The following ANO4 variants were observed in gnomAD, a reference collection of about 807,000 sequenced individuals.
ANO4 encodes the protein anoctamin 4.
ANO4 carries 69 observed loss-of-function variants against 141.9 expected under a neutral mutation model. The ratio of observed to expected loss-of-function variants is 0.49; its 90% CI spans 0.40 to 0.59. ANO4 has a LOEUF of 0.59. Ranked by LOEUF, ANO4 falls within the 20% of genes least tolerant of loss-of-function variation. The pLI, the probability that ANO4 is intolerant of heterozygous loss-of-function variation, is 0.00. For synonymous variants in ANO4, 350 were observed against 394.3 expected (o/e 0.89, Z 1.33); for missense variants, 894 against 1,162.2 (o/e 0.77, Z 3.36).
intron 1 of ANO4, 80 bp from the exon 2 acceptor site, chr12:100,901,566 G>A (rs1461272328): frequency 3.4e-6 from 2 of 587,516 alleles, no homozygotes; most frequent in Admixed American, 3.4e-5. Context: ...CTGTTCTCTG[G>A]ACTTCATATG....
At chr12:101,107,762 G>A (rs936249812) in intron 22 of ANO4, among the ~76,000 whole-genome samples, 3 of 152,082 alleles carry the variant, frequency 2.0e-5, no homozygotes, top group Admixed American at 1.3e-4. Context: ...TGTGTAGGGA[G>A]ATGAGTGATG....
At chr12:100,897,062 G>C (rs2040384343) in intron 1 of ANO4, among the ~76,000 whole-genome samples, 1 of 152,104 alleles carries the variant, frequency 6.6e-6, no homozygotes, top group African/African-American at 2.4e-5. Flanking sequence ...CAGAATTCTG[G>C]CTACAGCATC....
intron 22 of ANO4, among the ~76,000 whole-genome samples, chr12:101,104,660 T>A (rs1299285530): frequency 1.6e-5 from 1 of 62,384 alleles, no homozygotes; most frequent in Admixed American, 1.7e-4. Context: ...TATATATATA[T>A]ATATATATAT....
chr12:100,775,205 T>C (rs546442687), intron 3 of ANO4, among the ~76,000 whole-genome samples: 1 of 152,206 alleles, frequency 6.6e-6, no homozygotes, highest in Admixed American at 6.5e-5. Context: ...CACACTAAAA[T>C]AGCAGTCTTT....
intron 8 of ANO4, among the ~76,000 whole-genome samples, chr12:101,011,694 A>G (rs2046101341): frequency 6.6e-6 from 1 of 152,180 alleles, no homozygotes. Flanking sequence ...ATTAATCTGA[A>G]ACCCAGCTGG....
chr12:100,985,171 G>A (rs1165709027), intron 7 of ANO4, among the ~76,000 whole-genome samples: 1 of 152,198 alleles, frequency 6.6e-6, no homozygotes, highest in African/African-American at 2.4e-5. Context: ...CATGGGGAAG[G>A]CCACCATCTT....
chr12:101,118,471 C>T (rs1171628068), intron 25 of ANO4, among the ~76,000 whole-genome samples: 1 of 152,116 alleles, frequency 6.6e-6, no homozygotes, highest in Non-Finnish European at 1.5e-5. Flanking sequence ...TAATTAAAAT[C>T]ATGTAAAATA....
chr12:101,115,851 C>T (rs2050830888), intron 24 of ANO4, among the ~76,000 whole-genome samples: 1 of 152,078 alleles, frequency 6.6e-6, no homozygotes, highest in South Asian at 2.1e-4. Flanking sequence ...CCAATCAGAT[C>T]GATTCAATAT....
chr12:100,806,530 T>A (rs1181960740), intron 1 of ANO4, among the ~76,000 whole-genome samples: 9 of 30,696 alleles, frequency 2.9e-4, no homozygotes, highest in African/African-American at 2.0e-3. Flanking sequence ...TTTCGTTTTT[T>A]TTTTTTTTTT....
chr12:100,780,848 T>C (rs2033690798), intron 3 of ANO4, among the ~76,000 whole-genome samples: 1 of 152,216 alleles, frequency 6.6e-6, no homozygotes, highest in Non-Finnish European at 1.5e-5. Context: ...CCAGCCGCAA[T>C]TTAAAATTTT....
chr12:100,741,238 T>A (rs952997930), intron 3 of ANO4, among the ~76,000 whole-genome samples: 3 of 151,578 alleles, frequency 2.0e-5, no homozygotes, highest in African/African-American at 7.2e-5. Context: ...AATGTGTAAT[T>A]CTGGTTCTGG....
chr12:100,895,756 T>C (rs955573137), intron 1 of ANO4, among the ~76,000 whole-genome samples: 2 of 152,010 alleles, frequency 1.3e-5, no homozygotes, highest in Admixed American at 1.3e-4. Flanking sequence ...GAGATGGGGT[T>C]TCACCATGTT....
At chr12:100,835,418 G>A (rs1484664929) in intron 1 of ANO4, among the ~76,000 whole-genome samples, 1 of 152,074 alleles carries the variant, frequency 6.6e-6, no homozygotes, top group East Asian at 1.9e-4. Flanking sequence ...AGCCACAGAC[G>A]GTTGAAGAGC....
chr12:101,078,559 C>T (rs2049117376), intron 14 of ANO4, among the ~76,000 whole-genome samples: 1 of 152,190 alleles, frequency 6.6e-6, no homozygotes, highest in Non-Finnish European at 1.5e-5. Context: ...CTCGCACTTA[C>T]TGGAGAAAGT....
chr12:101,015,185 A>AT (rs1395897557), intron 8 of ANO4, among the ~76,000 whole-genome samples: 1 of 152,152 alleles, frequency 6.6e-6, no homozygotes, highest in Non-Finnish European at 1.5e-5. Flanking sequence ...TTTCCTAAGT[A>AT]TGTACAATGA....
chr12:101,037,170 C>A lies in ANO4; in HGVS notation c.897+20C>A. On this transcript the variant is annotated intron_variant, in intron 10 of 27. Transcript: ENST00000392977. ...CATGAGGTATTGTGCTGTCTTTAAT[C>A]TTTATCTTTCTTTCAATCGTTTGTT... 6.2e-7 allele frequency: 1 copy of A among 1,609,260 alleles called. No individual in the cohort carries two copies. The highest frequency in any genetic ancestry group is 8.5e-7 in the Non-Finnish European group (1 of 1,177,090).
At chr12:100,886,737 T>C (rs922886125) in intron 1 of ANO4, among the ~76,000 whole-genome samples, 1 of 152,128 alleles carries the variant, frequency 6.6e-6, no homozygotes, top group Non-Finnish European at 1.5e-5. Context: ...TGCTTTTGGG[T>C]CTACAGTAGC....
chr12:100,953,151 G>T (rs1342566833), intron 5 of ANO4, among the ~76,000 whole-genome samples: 1 of 152,212 alleles, frequency 6.6e-6, no homozygotes, highest in Non-Finnish European at 1.5e-5. Context: ...TGTGGGCATT[G>T]TATTATATTT....
chr12:100,774,587 C>T lies in ANO4; in HGVS notation c.358+34482C>T, dbSNP rs11110515. 1.7e-3 allele frequency among the ~76,000 whole-genome samples: 263 copies of T among 152,334 alleles called. 1 individual carries two copies. Among genetic ancestry groups the T allele is most frequent in the African/African-American group, 5.9e-3 (246 of 41,576 alleles). On this transcript the variant is annotated intron_variant, in intron 3 of 29. Coordinates refer to the ANO4 transcript ENST00000644049. ...CTAGAAGGAAATAGAGTAGAGCACA[C>T]ATCATTCTTTAGTTGACATTTGGAA...
Sources: allele counts gnomAD v4.1 joint callset (sites outside exome capture counted in the v4.1 genomes callset), GRCh38; gene constraint gnomAD v4.1.1; transcripts MANE v1.5; gene names NCBI Gene and HGNC (gene_info 2026-07-23, HGNC 2026-07-21).